The following MPDZ variants were observed in gnomAD, a reference collection of about 807,000 sequenced individuals.
MPDZ encodes the protein multiple PDZ domain protein.
Under a neutral mutation model 239.1 loss-of-function variants are expected in MPDZ, and 234 were observed. That is an observed-to-expected ratio of 0.98 (90% confidence interval 0.88 to 1.09). The LOEUF is 1.09. Ranked by LOEUF, MPDZ falls within the 50% of genes least tolerant of loss-of-function variation. The pLI, the probability that MPDZ is intolerant of heterozygous loss-of-function variation, is 0.00. For synonymous variants in MPDZ, 1,048 were observed against 881.3 expected, an observed-to-expected ratio of 1.19 and a Z score of -3.35; for missense variants, 3,175 against 2,510.0, an observed-to-expected ratio of 1.26 and a Z score of -5.66.
Position 13,139,989 on chromosome 9 carries a change from C to T in MPDZ, c.4001G>A (p.Trp1334Ter). 1 of 1,613,310 alleles carries T rather than the reference C, an allele frequency of 6.2e-7. No homozygotes were observed. The highest frequency in any genetic ancestry group is 8.5e-7 in the Non-Finnish European group (1 of 1,179,570). The change falls in exon 28 of 47, where the codon TGG becomes TAG. Residue 1334 changes from tryptophan to a stop codon, truncating the protein, a stop_gained and splice_region_variant. Coordinates refer to ENST00000319217, the MANE Select transcript of MPDZ (RefSeq NM_001378778.1). LOFTEE classifies it high-confidence loss of function. ...VDKEDEFGYS[W>*]KNIRERYGTL... ...TGCATCACAAAAACACAACTTACTC[C>T]AGCTGTAACCAAACTCATCCTCTTT...
chr9:13,143,571 G>C lies in MPDZ; in HGVS notation c.3742-7C>G, dbSNP rs1948024364. 2 of 1,608,460 alleles carry C rather than the reference G, an allele frequency of 1.2e-6. No individual in the cohort carries two copies. Among genetic ancestry groups the C allele is most frequent in the Non-Finnish European group, 1.7e-6 (2 of 1,175,272 alleles). ...AGGAAGGCAAAGGGGATTTCTAAAA[G>C]GAAACATAAGAGGCGCTGAACGCAA... On this transcript the variant is annotated splice_polypyrimidine_tract_variant and splice_region_variant and intron_variant, in intron 26 of 46. Transcript: ENST00000319217.
intron 3 of MPDZ, among the ~76,000 whole-genome samples, chr9:13,233,734 A>T (rs1314259897): frequency 6.6e-6 from 1 of 152,216 alleles, no homozygotes; most frequent in African/African-American, 2.4e-5. Context: ...CGCCTCTTAA[A>T]GAAGGCAAGT....
At chr9:13,167,648 C>T (rs1238333171) in intron 22 of MPDZ, among the ~76,000 whole-genome samples, 1 of 152,058 alleles carries the variant, frequency 6.6e-6, no homozygotes, top group Non-Finnish European at 1.5e-5. Context: ...ACATTAAAAA[C>T]AAATATTCAA....
chr9:13,155,431 C>T (rs1345601516), intron 24 of MPDZ, among the ~76,000 whole-genome samples: 1 of 151,972 alleles, frequency 6.6e-6, no homozygotes, highest in Non-Finnish European at 1.5e-5. Flanking sequence ...TAATATGAAT[C>T]TGACAATGAA....
chr9:13,129,077 C>G (rs575731242), intron 32 of MPDZ, among the ~76,000 whole-genome samples: 19 of 152,242 alleles, frequency 1.2e-4, no homozygotes, highest in African/African-American at 4.6e-4. Context: ...AAACAATAAG[C>G]TACAAATCTG....
intron 12 of MPDZ, among the ~76,000 whole-genome samples, chr9:13,201,574 GT>G (rs1244237827): frequency 6.6e-6 from 1 of 151,724 alleles, no homozygotes; most frequent in Non-Finnish European, 1.5e-5. Flanking sequence ...TCACTTGATG[GT>G]ATCCCATAAT....
chr9:13,250,424 A>C, intron 1 of MPDZ, 52 bp from the exon 2 acceptor site: 1 of 957,528 alleles, frequency 1.0e-6, no homozygotes, highest in Non-Finnish European at 1.6e-6. Context: ...TTTATATTCT[A>C]AAGCTATATA....
At chr9:13,155,343 A>C (rs1159945107) in intron 24 of MPDZ, among the ~76,000 whole-genome samples, 1 of 152,186 alleles carries the variant, frequency 6.6e-6, no homozygotes, top group Non-Finnish European at 1.5e-5. Context: ...CCCTAGATAA[A>C]TTTTCATGTG....
At chr9:13,141,002 A>G (rs1250881353) in intron 27 of MPDZ, 3 of 151,964 alleles carry the variant, frequency 2.0e-5, no homozygotes, top group African/African-American at 7.3e-5. Context: ...TTGCCAAGGC[A>G]GATCACAAGA....
chr9:13,262,192 G>A (rs1481456846), intron 1 of MPDZ, among the ~76,000 whole-genome samples: 1 of 152,064 alleles, frequency 6.6e-6, no homozygotes, highest in East Asian at 1.9e-4. Flanking sequence ...GCCAGCCACA[G>A]TGGCTGATGC....
At chr9:13,166,954 G>C (rs910096202) in intron 22 of MPDZ, among the ~76,000 whole-genome samples, 1 of 152,114 alleles carries the variant, frequency 6.6e-6, no homozygotes, top group Non-Finnish European at 1.5e-5. Flanking sequence ...GAACTGAGTG[G>C]TAGGGCTAGT....
chr9:13,182,374 C>T lies in MPDZ; in HGVS notation c.2649+1044G>A, dbSNP rs112832323. Reference sequence around the variant, plus strand: ...CCATATTTTCATCAATCTCTCTTTCCTCATAATATGTTATAATGTATTAGA... The same window carrying T: ...CCATATTTTCATCAATCTCTCTTTCTTCATAATATGTTATAATGTATTAGA... On this transcript the variant is annotated intron_variant, in intron 19 of 46. Coordinates refer to ENST00000319217, the MANE Select transcript of MPDZ (RefSeq NM_001378778.1). Among the ~76,000 whole-genome samples the T allele has an allele frequency of 7.3e-3, 1,114 of 152,048 alleles. 15 individuals carry two copies. The highest frequency in any genetic ancestry group is 0.026 in the African/African-American group (1,069 of 41,514).
chr9:13,217,109 C>T, intron 9 of MPDZ, 71 bp downstream of exon 9: 2 of 1,088,872 alleles, frequency 1.8e-6, no homozygotes, highest in Non-Finnish European at 2.7e-6. Context: ...AATATCAACT[C>T]AATATTTTAT....
In MPDZ at chr9:13,166,552, C is replaced by T. The variant is rs970348693; in HGVS notation, c.3254+1814G>A. Among the ~76,000 whole-genome samples the T allele has an allele frequency of 3.3e-5, 5 of 152,010 alleles. 1 individual carries two copies. The highest frequency in any genetic ancestry group is 7.2e-5 in the African/African-American group (3 of 41,414). On this transcript the variant is annotated intron_variant, in intron 22 of 46. Coordinates refer to ENST00000319217, the MANE Select transcript of MPDZ (RefSeq NM_001378778.1). ...ATGTCTGCATGTGTGTTTACATACA[C>T]GAGAGAGAGACTCACTGACTGAATG... is the stretch of plus-strand genomic sequence containing the variant.
At chr9:13,271,895 C>T (rs1260274622) in intron 1 of MPDZ, among the ~76,000 whole-genome samples, 1 of 152,010 alleles carries the variant, frequency 6.6e-6, no homozygotes, top group Non-Finnish European at 1.5e-5. Context: ...CAAAAGAGAA[C>T]ATACTGTATG....
rs149265684 is a variant in MPDZ, at chr9:13,193,231, G to A, written c.1739C>T (p.Ser580Phe). The A allele has an allele frequency of 9.9e-6, 16 of 1,612,106 alleles. No individual in the cohort carries two copies. Among genetic ancestry groups the A allele is most frequent in the Non-Finnish European group, 1.4e-5 (16 of 1,178,904 alleles). Residue 580 changes from serine (S) to phenylalanine (F), a missense_variant, in exon 14 of 47, where the codon TCT (serine) becomes TTT (phenylalanine). Physicochemically the swap from Ser to Phe is radical, Grantham distance 155. Transcript: ENST00000319217. ...TCCAACAGGACCCTCTGGTAGAACA[G>A]ATCGGATAAAATGATGTCCCACTGT... The part of the protein sequence containing the change: ...EATVGHHFIR[S>F]VLPEGPVGHS...
chr9:13,115,207 A>G, intron 40 of MPDZ, 41 bp downstream of exon 40: 1 of 1,554,052 alleles, frequency 6.4e-7, no homozygotes, highest in Non-Finnish European at 8.9e-7. Flanking sequence ...TCCTCTTGGC[A>G]TGCCGATTGC....
intron 3 of MPDZ, among the ~76,000 whole-genome samples, chr9:13,234,826 T>C (rs1963514198): frequency 6.6e-6 from 1 of 152,106 alleles, no homozygotes; most frequent in South Asian, 2.1e-4. Context: ...AATTTTTTTT[T>C]TTAATCATGC....
intron 7 of MPDZ, 104 bp downstream of exon 7, chr9:13,221,268 G>A (rs1183731212): frequency 1.6e-6 from 2 of 1,225,152 alleles, no homozygotes; most frequent in Non-Finnish European, 2.2e-6. Context: ...CAATTTCTTT[G>A]GCATCATTTA....
Sources: allele counts gnomAD v4.1 joint callset (sites outside exome capture counted in the v4.1 genomes callset), GRCh38; gene constraint gnomAD v4.1.1; transcripts MANE v1.5; gene names NCBI Gene and HGNC (gene_info 2026-07-23, HGNC 2026-07-21).